The following TOGARAM2 variants were observed in gnomAD, a reference collection of about 807,000 sequenced individuals.
TOGARAM2 encodes the protein TOG array regulator of axonemal microtubules 2.
A neutral mutation model predicts 93.3 loss-of-function variants in TOGARAM2; 85 were observed. The observed-to-expected ratio is 0.91, with a 90% CI of 0.76 to 1.09. The LOEUF (loss-of-function observed/expected upper bound fraction) is 1.09, where lower values mean the gene tolerates loss of function less well. TOGARAM2 is among the 50% of genes least tolerant of loss of function. The pLI, the probability that TOGARAM2 is intolerant of heterozygous loss-of-function variation, is 0.00. For missense variants in TOGARAM2, 1,277 were observed against 1,334.5 expected (o/e 0.96, Z 0.67); for synonymous variants, 593 against 552.8 (o/e 1.07, Z -1.02).
At chr2:29,023,345 A>G (rs970550692) in intron 12 of TOGARAM2, among the ~76,000 whole-genome samples, 154 bp downstream of exon 12, 2 of 152,134 alleles carry the variant, frequency 1.3e-5, no homozygotes, top group Non-Finnish European at 2.9e-5. Context: ...GTAGCCACCC[A>G]TTTCTCAGAT....
chr2:29,013,440 G>A (rs1430936697), intron 7 of TOGARAM2, among the ~76,000 whole-genome samples: 1 of 152,210 alleles, frequency 6.6e-6, no homozygotes, highest in East Asian at 1.9e-4. Flanking sequence ...TGCAAGCTGG[G>A]GAAGAGAGAG....
intron 14 of TOGARAM2, among the ~76,000 whole-genome samples, chr2:29,029,264 T>C (rs1033605105): frequency 2.5e-4 from 37 of 147,988 alleles, no homozygotes; most frequent in African/African-American, 5.9e-4. Flanking sequence ...TATGTGTGTA[T>C]ACACACACAC....
chr2:28,988,475 C>T (rs1290772424), intron 1 of TOGARAM2, among the ~76,000 whole-genome samples: 5 of 152,286 alleles, frequency 3.3e-5, no homozygotes, highest in African/African-American at 1.2e-4. Context: ...TGCCCTTCTC[C>T]CTCAGCTGTT....
chr2:28,994,065 G>A (rs942873455), intron 1 of TOGARAM2, among the ~76,000 whole-genome samples: 4 of 152,242 alleles, frequency 2.6e-5, no homozygotes, highest in African/African-American at 9.6e-5. Flanking sequence ...AAGCTGCAGA[G>A]TGTGCAGTGA....
At chr2:28,997,086 G>C (rs1487569534) in intron 2 of TOGARAM2, among the ~76,000 whole-genome samples, 1 of 152,080 alleles carries the variant, frequency 6.6e-6, no homozygotes, top group African/African-American at 2.4e-5. Flanking sequence ...CAAAAGCACA[G>C]GCAACAAAAG....
At position 29,011,472 on chromosome 2, in the gene TOGARAM2, G is replaced by A. The variant is rs1664244454; in HGVS notation, c.848G>A (p.Gly283Glu). 1.9e-6 allele frequency: 3 copies of A among 1,607,032 alleles called. No individual in the cohort carries two copies. Among genetic ancestry groups the A allele is most frequent in the South Asian group, 1.1e-5 (1 of 90,028 alleles). ...APRTRLARGSGPREKTPASLE... is the reference protein window; with the variant it reads ...APRTRLARGSEPREKTPASLE... ...CTTTTAAGATTGGCTCGGGGGAGTG[G>A]GCCTCGGGAGAAGACCCCTGCATCT... Residue 283 changes from glycine (G) to glutamate (E), a missense_variant, in exon 7 of 20, where the codon GGG (glycine) becomes GAG (glutamate). Transcript: ENST00000379558.
intron 14 of TOGARAM2, among the ~76,000 whole-genome samples, chr2:29,029,262 T>TACACAC (rs1192229516): frequency 2.7e-4 from 25 of 93,224 alleles, no homozygotes; most frequent in African/African-American, 7.4e-4. Context: ...TGTATGTGTG[T>TACACAC]ATACACACAC....
chr2:29,036,500 C>T (rs1460402326), intron 17 of TOGARAM2, 41 bp from the exon 18 acceptor site: 22 of 1,606,868 alleles, frequency 1.4e-5, no homozygotes, highest in Non-Finnish European at 1.9e-5. Context: ...TCCTGCCCAG[C>T]CTGGGTTCCC....
At chr2:29,003,430 A>T in intron 5 of TOGARAM2, 62 bp from the exon 6 acceptor site, 1 of 1,335,144 alleles carries the variant, frequency 7.5e-7, no homozygotes, top group Non-Finnish European at 9.8e-7. Flanking sequence ...AGGTGCCTGG[A>T]GGTGAGCATT....
intron 14 of TOGARAM2, among the ~76,000 whole-genome samples, chr2:29,027,597 TAA>T (rs34859826): frequency 7.4e-4 from 108 of 145,388 alleles, no homozygotes; most frequent in Admixed American, 1.1e-3. Context: ...TGTCTCTACT[TAA>T]AAAAAAAAAA....
At chr2:29,008,602 A>G (rs569817923) in intron 6 of TOGARAM2, among the ~76,000 whole-genome samples, 2 of 152,284 alleles carry the variant, frequency 1.3e-5, no homozygotes, top group East Asian at 3.9e-4. Flanking sequence ...GATTACAGAC[A>G]TGCACCACCA....
intron 8 of TOGARAM2, among the ~76,000 whole-genome samples, chr2:29,015,007 C>A (rs1278590104): frequency 6.6e-6 from 1 of 152,144 alleles, no homozygotes; most frequent in Non-Finnish European, 1.5e-5. Flanking sequence ...CAGGGACTGG[C>A]GAATACCTCA....
chr2:28,966,678 T>C (rs1211558766), intron 1 of TOGARAM2, among the ~76,000 whole-genome samples: 1 of 152,204 alleles, frequency 6.6e-6, no homozygotes, highest in Non-Finnish European at 1.5e-5. Context: ...GCAGCAAGAA[T>C]TACCCACAAT....
chr2:29,003,327 G>A (rs1673416235), intron 5 of TOGARAM2, among the ~76,000 whole-genome samples, 165 bp from the exon 6 acceptor site: 1 of 152,238 alleles, frequency 6.6e-6, no homozygotes, highest in Non-Finnish European at 1.5e-5. Context: ...GGGCTTGCCA[G>A]TCTCCTCACC....
At chr2:28,962,178 GT>G (rs768065714) in intron 1 of TOGARAM2, among the ~76,000 whole-genome samples, 129 of 142,656 alleles carry the variant, frequency 9.0e-4, no homozygotes, top group South Asian at 2.2e-3. Context: ...TACATACATA[GT>G]TTTTTTTTTT....
At chr2:29,042,081 G>C (rs1558467883) in intron 18 of TOGARAM2, among the ~76,000 whole-genome samples, 1 of 152,218 alleles carries the variant, frequency 6.6e-6, no homozygotes, top group Admixed American at 6.5e-5. Flanking sequence ...AAATATGGAA[G>C]AACCAGGATT....
intron 1 of TOGARAM2, among the ~76,000 whole-genome samples, chr2:28,963,205 T>G (rs1671822561): frequency 6.6e-6 from 1 of 152,204 alleles, no homozygotes; most frequent in Non-Finnish European, 1.5e-5. Context: ...TCCTGGATTA[T>G]TTAAAAGTGT....
intron 18 of TOGARAM2, among the ~76,000 whole-genome samples, chr2:29,039,519 G>A (rs959010079): frequency 6.6e-6 from 1 of 152,184 alleles, no homozygotes; most frequent in African/African-American, 2.4e-5. Context: ...CTAGAATTCA[G>A]TGATAAAGAA....
At chr2:28,957,505 T>C (rs899297103) in intron 1 of TOGARAM2, among the ~76,000 whole-genome samples, 5 of 152,194 alleles carry the variant, frequency 3.3e-5, no homozygotes, top group Admixed American at 1.3e-4. Flanking sequence ...TTACGGAATA[T>C]TATAACATTA....
Sources: allele counts gnomAD v4.1 joint callset (sites outside exome capture counted in the v4.1 genomes callset), GRCh38; gene constraint gnomAD v4.1.1; transcripts MANE v1.5; gene names NCBI Gene and HGNC (gene_info 2026-07-23, HGNC 2026-07-21).